Variants in SOX30 observed in about 807,000 individuals in gnomAD.
SOX30 encodes the protein SRY-box transcription factor 30.
SOX30 carries 17 observed loss-of-function variants against 58.6 expected under a neutral mutation model. The observed-to-expected ratio is 0.29, with a 90% CI of 0.20 to 0.44. The LOEUF (loss-of-function observed/expected upper bound fraction) is 0.44. Among genes scored for constraint, SOX30 ranks in the 20% least tolerant of loss-of-function variants. The pLI is 1.00. For missense variants in SOX30, 951 were observed against 965.8 expected, an observed-to-expected ratio of 0.98 and a Z score of 0.20; for synonymous variants, 421 against 400.2, an observed-to-expected ratio of 1.05 and a Z score of -0.62.
At chr5:157,634,432 G>A (rs1292333595) in intron 4 of SOX30, among the ~76,000 whole-genome samples, 1 of 151,782 alleles carries the variant, frequency 6.6e-6, no homozygotes, top group Non-Finnish European at 1.5e-5. Flanking sequence ...GCCCAGGCTG[G>A]TCTCAAACTC....
intron 3 of SOX30, among the ~76,000 whole-genome samples, chr5:157,645,877 G>A (rs926224168): frequency 1.3e-5 from 2 of 151,946 alleles, no homozygotes; most frequent in Non-Finnish European, 2.9e-5. Flanking sequence ...AAAATTAGCC[G>A]GGTGTGATGG....
chr5:157,650,103 C>A (rs1311081139), intron 1 of SOX30, among the ~76,000 whole-genome samples: 2 of 152,148 alleles, frequency 1.3e-5, no homozygotes, highest in East Asian at 3.9e-4. Flanking sequence ...TATCTAAATT[C>A]ACATCTCTCA....
intron 3 of SOX30, among the ~76,000 whole-genome samples, chr5:157,641,835 C>A (rs1759070801): frequency 6.6e-6 from 1 of 152,152 alleles, no homozygotes; most frequent in African/African-American, 2.4e-5. Context: ...AAATGTGCCA[C>A]TGGAATTTAC....
intron 2 of SOX30, 107 bp from the exon 3 acceptor site, chr5:157,646,923 T>C: frequency 1.3e-6 from 1 of 785,478 alleles, no homozygotes; most frequent in African/African-American, 1.8e-5. Flanking sequence ...AAACAAATTA[T>C]TGTCTAAAGT....
rs1581401240 is a variant in SOX30 at position 157,651,118 on chromosome 5, C to T, written c.961G>A (p.Asp321Asn). ...KDVPLTVLPS[D>N]AGIPDTPFSK... Reference sequence around the variant, plus strand: ...CTCCCCTGCTGTCTAATACCTGCATCTGAGGGCAACACGGTGAGCGGGACA... The same window carrying T: ...CTCCCCTGCTGTCTAATACCTGCATTTGAGGGCAACACGGTGAGCGGGACA... The change falls in exon 1 of 5, where the codon GAT becomes AAT. Residue 321 changes from aspartate (D) to asparagine (N), a missense_variant. Coordinates refer to ENST00000265007, the MANE Select transcript of SOX30 (RefSeq NM_178424.2). 2 of 1,536,690 alleles carry T rather than the reference C, an allele frequency of 1.3e-6. No individual in the cohort carries two copies.
At chr5:157,628,829 T>C (rs1045826159) in intron 4 of SOX30, among the ~76,000 whole-genome samples, 1 of 152,010 alleles carries the variant, frequency 6.6e-6, no homozygotes, top group Non-Finnish European at 1.5e-5. Flanking sequence ...TTAGTAGAGA[T>C]GGGGTTTCAC....
chr5:157,659,759 GTACAT>G (rs976822143), intron 2 of SOX30, among the ~76,000 whole-genome samples: 1 of 152,208 alleles, frequency 6.6e-6, no homozygotes, highest in African/African-American at 2.4e-5. Flanking sequence ...ACTGTAAGAT[GTACAT>G]AGCTTCAGTC....
chr5:157,626,235 C>T lies in SOX30; in HGVS notation c.*105G>A, dbSNP rs1390072033. 9.1e-7 allele frequency: 1 copy of T among 1,093,480 alleles called. No individual in the cohort carries two copies. Among genetic ancestry groups the T allele is most frequent in the South Asian group, 1.9e-5 (1 of 52,018 alleles). 67.7% of individuals were successfully genotyped at this position (1,093,480 alleles called of 1,614,324 possible). On this transcript the variant is annotated 3_prime_UTR_variant, in exon 5 of 5. Coordinates refer to ENST00000265007, the MANE Select transcript of SOX30 (RefSeq NM_178424.2). ...TTGGTTTTAACTCCTCAAATCACGA[C>T]TGAAAACTTTCAACAAAGAATTCTA... is the stretch of plus-strand genomic sequence containing the variant.
At chr5:157,642,758 G>A (rs574234693) in intron 3 of SOX30, among the ~76,000 whole-genome samples, 1 of 152,128 alleles carries the variant, frequency 6.6e-6, no homozygotes, top group African/African-American at 2.4e-5. Context: ...AAAAAACTAG[G>A]CAGTCCAAAG....
intron 4 of SOX30, among the ~76,000 whole-genome samples, chr5:157,635,421 CG>C (rs1167732298): frequency 6.6e-6 from 1 of 151,972 alleles, no homozygotes; most frequent in East Asian, 1.9e-4. Context: ...GTCAGGAGTT[CG>C]AGACCAGCCT....
exon 2 of SOX30, chr5:157,667,827 T>G: frequency 6.5e-7 from 1 of 1,535,520 alleles, no homozygotes. Context: ...ACTTTGTTCC[T>G]TCCCTCTACA....
At chr5:157,660,438 ATAAAATAAAATAAAG>A (rs1759557435) in intron 2 of SOX30, among the ~76,000 whole-genome samples, 2 of 149,422 alleles carry the variant, frequency 1.3e-5, no homozygotes. Context: ...ATAAAATAAA[ATAAAATAAAATAAAG>A]TAAAGTAAAA....
At chr5:157,636,993 C>T (rs774724366) in intron 4 of SOX30, among the ~76,000 whole-genome samples, 24 of 152,072 alleles carry the variant, frequency 1.6e-4, no homozygotes, top group Admixed American at 2.6e-4. Flanking sequence ...ATTAGCCAGG[C>T]GTGGTGACGC....
chr5:157,661,597 G>T (rs911095209), intron 2 of SOX30, among the ~76,000 whole-genome samples: 3 of 152,130 alleles, frequency 2.0e-5, no homozygotes, highest in African/African-American at 4.8e-5. Flanking sequence ...GCCAGATTTG[G>T]CCCAAGGGCT....
chr5:157,650,742 T>C (rs960656538), intron 1 of SOX30, among the ~76,000 whole-genome samples: 2 of 152,228 alleles, frequency 1.3e-5, no homozygotes, highest in African/African-American at 4.8e-5. Flanking sequence ...CTTCTATTTC[T>C]TGATACATAT....
intron 2 of SOX30, among the ~76,000 whole-genome samples, chr5:157,658,369 C>T (rs1011843828): frequency 6.6e-6 from 1 of 152,172 alleles, no homozygotes; most frequent in Non-Finnish European, 1.5e-5. Flanking sequence ...CTAGTCTCAT[C>T]AGTTGTTTTT....
chr5:157,626,531 T>C lies in SOX30; in HGVS notation c.2071A>G (p.Met691Val). Residue 691 changes from methionine to valine, a missense_variant, in exon 5 of 5, where the codon ATG becomes GTG. Met to Val is a conservative substitution (Grantham distance 21, BLOSUM62 1). Around this residue, in one of 7 missense-constraint regions of SOX30, gnomAD observed 381 missense variants for 390.0 expected, o/e 0.98. Coordinates refer to ENST00000265007, the MANE Select transcript of SOX30 (RefSeq NM_178424.2). ...CTGTTATAGTAAGAAGTTCCATTCA[T>C]GTTCTCACAACTCCGAGAATTTTCA... ...HSENSRSCEN[M>V]NGTSYYNSHS... 6.2e-7 allele frequency: 1 copy of C among 1,614,164 alleles called. No homozygotes were observed. Among genetic ancestry groups the C allele is most frequent in the Non-Finnish European group, 8.5e-7 (1 of 1,180,000 alleles).
chr5:157,666,472 C>T (rs916602144), intron 2 of SOX30, among the ~76,000 whole-genome samples: 6 of 128,680 alleles, frequency 4.7e-5, no homozygotes, highest in Non-Finnish European at 9.6e-5. Context: ...ATTCTTTAGT[C>T]CAGTAGACAC....
In SOX30 at chr5:157,646,763, A is replaced by C; in HGVS notation, c.1261T>G (p.Ser421Ala). The C allele has an allele frequency of 6.2e-7, 1 of 1,614,072 alleles. No homozygotes were observed. The highest frequency in any genetic ancestry group is 8.5e-7 in the Non-Finnish European group (1 of 1,179,960). ...GKRKRFPLSV[S>A]NVFSGTTQNI... ...TGTGTGGTACCAGAAAATACATTGG[A>C]AACACTTAGAGGGAATCGTTTTCGC... Residue 421 changes from serine to alanine, a missense_variant, in exon 3 of 5, where the codon TCC (serine) becomes GCC (alanine). Physicochemically the swap from Ser to Ala is moderately conservative, Grantham distance 99. Around this residue, in one of 7 missense-constraint regions of SOX30, gnomAD observed 57 missense variants for 104.0 expected, o/e 0.55. Coordinates refer to ENST00000265007, the MANE Select transcript of SOX30 (RefSeq NM_178424.2).
Sources: gnomAD v4.1 joint callset for allele counts (sites outside exome capture counted in the v4.1 genomes callset) on GRCh38, gnomAD v4.1.1 for gene constraint, gnomAD v4.1.1 regional missense constraint, MANE v1.5 for transcripts, NCBI Gene and HGNC (gene_info 2026-07-23, HGNC 2026-07-21) for gene names.